SLC24A3: variants seen among roughly 807,000 people sequenced by gnomAD.
SLC24A3 encodes the protein solute carrier family 24 member 3.
In SLC24A3, 28 loss-of-function variants were observed where a neutral mutation model predicts 75.8. That is an observed-to-expected ratio of 0.37 (90% CI 0.27 to 0.51). The LOEUF is 0.51. Among genes scored for constraint, SLC24A3 ranks in the 20% least tolerant of loss-of-function variants. SLC24A3 has a pLI of 0.94. For synonymous variants in SLC24A3, 372 were observed against 334.1 expected (o/e 1.11, Z -1.24); for missense variants, 663 against 847.8 (o/e 0.78, Z 2.71).
intron 3 of SLC24A3, among the ~76,000 whole-genome samples, chr20:19,547,846 T>G (rs942340413): frequency 6.6e-6 from 1 of 152,232 alleles, no homozygotes; most frequent in Non-Finnish European, 1.5e-5. Context: ...GTCCTCTCTC[T>G]AATTAAAGAG....
intron 2 of SLC24A3, among the ~76,000 whole-genome samples, chr20:19,446,532 A>G (rs994467888): frequency 1.3e-5 from 2 of 152,198 alleles, no homozygotes; most frequent in East Asian, 1.9e-4. Context: ...TCTGTAAAGG[A>G]TGGCGTTACT....
At chr20:19,546,158 CAAAAAAAAAAAA>C (rs367781560) in intron 3 of SLC24A3, among the ~76,000 whole-genome samples, 55 of 46,750 alleles carry the variant, frequency 1.2e-3, no homozygotes, top group East Asian at 3.5e-3. Flanking sequence ...GACTCCGTCT[CAAAAAAAAAAAA>C]AAAAAAAAAA....
chr20:19,430,862 A>T (rs545688333), intron 2 of SLC24A3, among the ~76,000 whole-genome samples: 2 of 152,274 alleles, frequency 1.3e-5, no homozygotes, highest in East Asian at 3.9e-4. Flanking sequence ...GGACACATGC[A>T]CACACATACG....
chr20:19,348,172 T>G (rs966062611), intron 2 of SLC24A3, among the ~76,000 whole-genome samples: 1 of 152,172 alleles, frequency 6.6e-6, no homozygotes, highest in African/African-American at 2.4e-5. Context: ...CTCCCTGATG[T>G]GGGGTTTCGG....
rs150833150 is a variant in SLC24A3 at position 19,389,391 on chromosome 20, T to C, written c.271+108304T>C. 2.7e-3 allele frequency among the ~76,000 whole-genome samples: 415 copies of C among 152,288 alleles called. 2 individuals carry two copies. The East Asian group carries it at 0.041, about 15-fold the overall frequency. ...GAAGAACTCCCTTTAGTATTTCTTA[T>C]AATACAAATCTAGTGATGATTAACT... On this transcript the variant is annotated intron_variant, in intron 2 of 16. Transcript: ENST00000328041.
chr20:19,228,036 T>G (rs1479140076), intron 1 of SLC24A3, among the ~76,000 whole-genome samples: 1 of 152,236 alleles, frequency 6.6e-6, no homozygotes, highest in Non-Finnish European at 1.5e-5. Context: ...CTCTATTTCT[T>G]CCTTACATTT....
At chr20:19,609,196 A>T (rs2031639565) in intron 6 of SLC24A3, among the ~76,000 whole-genome samples, 2 of 152,206 alleles carry the variant, frequency 1.3e-5, no homozygotes, top group African/African-American at 4.8e-5. Flanking sequence ...ACCATGCAGG[A>T]AAATGAAATA....
rs1477350593 is a variant in SLC24A3, at chr20:19,268,622, C to T, written c.143-12337C>T. Among the ~76,000 whole-genome samples, 4 of 152,308 alleles carry T rather than the reference C, an allele frequency of 2.6e-5. No homozygotes were observed. The South Asian group carries it at 6.2e-4, about 24-fold the overall frequency. On this transcript the variant is annotated intron_variant, in intron 1 of 16. Coordinates refer to ENST00000328041, the MANE Select transcript of SLC24A3 (RefSeq NM_020689.4). Reference sequence around the variant, plus strand: ...ACTAGAAACCCAAATTGACACATCACCAAGATGACAAATTTCTGCTATCAT... The same window carrying T: ...ACTAGAAACCCAAATTGACACATCATCAAGATGACAAATTTCTGCTATCAT...
intron 3 of SLC24A3, among the ~76,000 whole-genome samples, chr20:19,521,526 G>C (rs1481730825): frequency 6.6e-6 from 1 of 151,980 alleles, no homozygotes; most frequent in Non-Finnish European, 1.5e-5. Flanking sequence ...CATGAGGCTG[G>C]GACACCTCCT....
At chr20:19,585,630 G>A in intron 6 of SLC24A3, 86 bp downstream of exon 6, 2 of 1,318,622 alleles carry the variant, frequency 1.5e-6, no homozygotes, top group Non-Finnish European at 2.2e-6. Flanking sequence ...CTGTCTTGCT[G>A]GAACACAACT....
chr20:19,703,420 C>A (rs1209750178), intron 15 of SLC24A3, among the ~76,000 whole-genome samples: 2 of 152,258 alleles, frequency 1.3e-5, no homozygotes, highest in African/African-American at 4.8e-5. Flanking sequence ...CAGTATCCAT[C>A]TGACACATAG....
chr20:19,444,175 A>G (rs770858387), intron 2 of SLC24A3, among the ~76,000 whole-genome samples: 4 of 152,222 alleles, frequency 2.6e-5, no homozygotes, highest in Non-Finnish European at 4.4e-5. Context: ...GCATAACTAG[A>G]ACAAATATCA....
chr20:19,510,237 G>C (rs1001373078), intron 2 of SLC24A3, among the ~76,000 whole-genome samples: 2 of 152,104 alleles, frequency 1.3e-5, no homozygotes, highest in Non-Finnish European at 2.9e-5. Flanking sequence ...GGTGGAACAG[G>C]ATATGTAATA....
At chr20:19,628,872 T>C (rs558201747) in intron 6 of SLC24A3, among the ~76,000 whole-genome samples, 1 of 152,316 alleles carries the variant, frequency 6.6e-6, no homozygotes, top group African/African-American at 2.4e-5. Context: ...TTGGAGAAGA[T>C]GTTCCCTGTC....
intron 1 of SLC24A3, chr20:19,213,246 C>A: frequency 4.0e-6 from 1 of 249,402 alleles, no homozygotes; most frequent in Non-Finnish European, 7.5e-6. Flanking sequence ...CGCCTGTGCG[C>A]TGCTTACTCG....
chr20:19,264,544 G>A (rs1983099708), intron 1 of SLC24A3, among the ~76,000 whole-genome samples: 1 of 151,926 alleles, frequency 6.6e-6, no homozygotes, highest in African/African-American at 2.4e-5. Flanking sequence ...GGGCAACACG[G>A]TGAAAACCTG....
rs192755945 is a variant in SLC24A3 at position 19,511,562 on chromosome 20, T to C, written c.272-3926T>C. ...CAGGATGGTCTCAATCTCCTGACCT[T>C]GTGATCCGCCCACATCGGCCTCCCA... On this transcript the variant is annotated intron_variant, in intron 2 of 16. Coordinates refer to ENST00000328041, the MANE Select transcript of SLC24A3 (RefSeq NM_020689.4). 4.7e-3 allele frequency among the ~76,000 whole-genome samples: 717 copies of C among 152,056 alleles called. 5 individuals are homozygous for C. Among genetic ancestry groups the C allele is most frequent in the African/African-American group, 0.016 (666 of 41,474 alleles).
chr20:19,709,372 G>A (rs930882640), intron 15 of SLC24A3, among the ~76,000 whole-genome samples: 1 of 152,128 alleles, frequency 6.6e-6, no homozygotes, highest in Non-Finnish European at 1.5e-5. Flanking sequence ...ACTGCTGGCA[G>A]CTGCTGCAGG....
chr20:19,252,814 A>G (rs962401007), intron 1 of SLC24A3, among the ~76,000 whole-genome samples: 5 of 152,184 alleles, frequency 3.3e-5, no homozygotes, highest in African/African-American at 1.2e-4. Flanking sequence ...CCTCCAGTGA[A>G]GCCTCCAGTA....
Sources: allele counts gnomAD v4.1 joint callset (sites outside exome capture counted in the v4.1 genomes callset), GRCh38; gene constraint gnomAD v4.1.1; transcripts MANE v1.5; gene names NCBI Gene and HGNC (gene_info 2026-07-23, HGNC 2026-07-21).